JARID2: variants seen among roughly 807,000 people sequenced by gnomAD.
JARID2 encodes the protein protein Jumonji.
A neutral mutation model predicts 125.6 loss-of-function variants in JARID2; 21 were observed. The ratio of observed to expected loss-of-function variants is 0.17; its 90% CI spans 0.12 to 0.24. The LOEUF (loss-of-function observed/expected upper bound fraction) is 0.24, where lower values mean the gene tolerates loss of function less well. Ranked by LOEUF, JARID2 falls within the 10% of genes least tolerant of loss-of-function variation. JARID2 has a pLI of 1.00. For synonymous variants in JARID2, 736 were observed against 661.6 expected (o/e 1.11, Z -1.73); for missense variants, 1,303 against 1,639.6 (o/e 0.79, Z 3.55).
chr6:15,367,649 TA>T (rs1561817192), intron 1 of JARID2, among the ~76,000 whole-genome samples: 2 of 152,326 alleles, frequency 1.3e-5, no homozygotes, highest in East Asian at 3.9e-4. Context: ...TCTCTAGAAA[TA>T]ACTAAAAGTT....
chr6:15,312,537 C>T (rs1446406903), intron 1 of JARID2, among the ~76,000 whole-genome samples: 1 of 152,204 alleles, frequency 6.6e-6, no homozygotes, highest in Non-Finnish European at 1.5e-5. Context: ...CCCATGCCAG[C>T]GCCGACCTGC....
intron 3 of JARID2, among the ~76,000 whole-genome samples, chr6:15,415,560 C>T (rs1243093678): frequency 6.8e-6 from 1 of 148,052 alleles, no homozygotes; most frequent in African/African-American, 2.6e-5. Context: ...AGGCGCCCCT[C>T]ACCTCCCGGA....
intron 8 of JARID2, among the ~76,000 whole-genome samples, chr6:15,502,805 C>T (rs1246428615): frequency 6.6e-6 from 1 of 152,168 alleles, no homozygotes; most frequent in Non-Finnish European, 1.5e-5. Flanking sequence ...CCCAAGGCTG[C>T]CTGGTGGGGA....
chr6:15,440,835 A>T (rs901310280), intron 3 of JARID2, among the ~76,000 whole-genome samples: 5 of 152,200 alleles, frequency 3.3e-5, no homozygotes, highest in African/African-American at 1.2e-4. Context: ...CAGATTTTTT[A>T]AATTATGATT....
At chr6:15,416,317 T>G (rs1355417691) in intron 3 of JARID2, among the ~76,000 whole-genome samples, 3 of 152,170 alleles carry the variant, frequency 2.0e-5, no homozygotes, top group Non-Finnish European at 4.4e-5. Flanking sequence ...ATCTCGGCAC[T>G]TTGGGAGGCC....
chr6:15,398,388 TTTC>T (rs1765295183), intron 2 of JARID2, among the ~76,000 whole-genome samples: 1 of 152,256 alleles, frequency 6.6e-6, no homozygotes. Context: ...CCCTCTGCTC[TTTC>T]TTGTCTTTAA....
intron 1 of JARID2, among the ~76,000 whole-genome samples, chr6:15,346,822 A>G (rs558627058): frequency 8.4e-5 from 12 of 143,562 alleles, no homozygotes; most frequent in Non-Finnish European, 1.5e-4. Flanking sequence ...TGCAACCTCC[A>G]CCTCCTGGGT....
At chr6:15,469,298 GTCTCTGTCTCTCTC>G (rs1324691618) in intron 5 of JARID2, among the ~76,000 whole-genome samples, 20 of 28,298 alleles carry the variant, frequency 7.1e-4, no homozygotes, top group Admixed American at 3.4e-3. Flanking sequence ...CTGTCTCTCT[GTCTCTGTCTCTCTC>G]TCTCTGTCTC....
chr6:15,288,595 TGTTTATA>T (rs1205002694), intron 1 of JARID2, among the ~76,000 whole-genome samples: 5 of 152,248 alleles, frequency 3.3e-5, no homozygotes, highest in Non-Finnish European at 7.3e-5. Context: ...ATATGTTAGC[TGTTTATA>T]GTTTATATGA....
rs150334642 is a variant in JARID2, at chr6:15,454,273, TG to T, written c.493+2100del. Among the ~76,000 whole-genome samples, 63 of 152,256 alleles carry T rather than the reference TG, an allele frequency of 4.1e-4. No individual in the cohort carries two copies. The East Asian group carries it at 0.012, about 28-fold the overall frequency. On this transcript the variant is annotated intron_variant, in intron 4 of 17. Transcript: ENST00000341776. ...TGCCCAATTGCCCTGCCTTACTAAT[TG>T]GCTTTGGGACTGAATTGTTGGGGGG...
Position 15,395,415 on chromosome 6 carries a change from A to G in JARID2, c.182-14809A>G, listed in dbSNP as rs562252687. Among the ~76,000 whole-genome samples, 6 of 151,924 alleles carry G rather than the reference A, an allele frequency of 3.9e-5. No individual in the cohort carries two copies. The South Asian group carries it at 1.3e-3, about 32-fold the overall frequency. On this transcript the variant is annotated intron_variant, in intron 2 of 17. Coordinates refer to ENST00000341776, the MANE Select transcript of JARID2 (RefSeq NM_004973.4). ...TGAGTAGTTGGGACTACAGGCGTGC[A>G]CCACTGTGCCCGGCTAAGTTTTTGT...
chr6:15,313,497 C>T (rs1762082213), intron 1 of JARID2, among the ~76,000 whole-genome samples: 1 of 152,130 alleles, frequency 6.6e-6, no homozygotes. Flanking sequence ...TGAAGAGTGC[C>T]AGCTTTTCTG....
At position 15,430,678 on chromosome 6, in the gene JARID2, C is replaced by T. The variant is rs547799014; in HGVS notation, c.323+20313C>T. 6.6e-5 allele frequency among the ~76,000 whole-genome samples: 10 copies of T among 152,210 alleles called. No individual in the cohort carries two copies. The East Asian group carries it at 7.7e-4, about 12-fold the overall frequency. On this transcript the variant is annotated intron_variant, in intron 3 of 17. Coordinates refer to ENST00000341776, the MANE Select transcript of JARID2 (RefSeq NM_004973.4). ...CTTATTGATAATCTGGTGATGAAAT[C>T]GCTTTTGTCAGTGCCTACTTACCTG...
intron 2 of JARID2, among the ~76,000 whole-genome samples, chr6:15,402,341 A>G (rs568072487): frequency 8.5e-5 from 13 of 152,210 alleles, no homozygotes; most frequent in Non-Finnish European, 1.6e-4. Context: ...TTGTGGGGTA[A>G]AGATGATAGG....
chr6:15,283,932 C>T (rs1339345423), intron 1 of JARID2, among the ~76,000 whole-genome samples: 1 of 152,000 alleles, frequency 6.6e-6, no homozygotes. Context: ...TGGTCTCCAT[C>T]TCCTGACCTC....
At chr6:15,498,164 C>T (rs989238112) in intron 7 of JARID2, among the ~76,000 whole-genome samples, 1 of 152,222 alleles carries the variant, frequency 6.6e-6, no homozygotes, top group African/African-American at 2.4e-5. Context: ...CCTGCTCAGC[C>T]TTGTCTCTTC....
intron 4 of JARID2, among the ~76,000 whole-genome samples, chr6:15,464,610 C>A (rs1396766698): frequency 6.6e-6 from 1 of 152,148 alleles, no homozygotes; most frequent in East Asian, 1.9e-4. Flanking sequence ...ACAAGCTTAA[C>A]CTCTGAACTA....
intron 2 of JARID2, among the ~76,000 whole-genome samples, chr6:15,385,448 T>C (rs1489131800): frequency 1.3e-5 from 2 of 151,970 alleles, no homozygotes; most frequent in Admixed American, 1.3e-4. Flanking sequence ...GGGAGGGACA[T>C]GTGCGTGCGT....
intron 1 of JARID2, among the ~76,000 whole-genome samples, chr6:15,290,056 G>C (rs957865964): frequency 6.6e-6 from 1 of 152,088 alleles, no homozygotes; most frequent in Non-Finnish European, 1.5e-5. Flanking sequence ...ATACAGTTTT[G>C]TTAATTATAC....
Sources: gnomAD v4.1 joint callset for allele counts (sites outside exome capture counted in the v4.1 genomes callset) on GRCh38, gnomAD v4.1.1 for gene constraint, MANE v1.5 for transcripts, NCBI Gene and HGNC (gene_info 2026-07-23, HGNC 2026-07-21) for gene names.